Variants in CTNNA2 observed in about 807,000 individuals in gnomAD.
The protein encoded by CTNNA2 is catenin alpha-2.
In CTNNA2, 42 loss-of-function variants were observed where a neutral mutation model predicts 101.0. The ratio of observed to expected loss-of-function variants is 0.42; its 90% CI spans 0.32 to 0.54. The LOEUF is 0.54. CTNNA2 is among the 20% of genes least tolerant of loss of function. The pLI is 0.14. For missense variants in CTNNA2, 871 were observed against 1,223.1 expected, an observed-to-expected ratio of 0.71 and a Z score of 4.29; for synonymous variants, 450 against 456.4, an observed-to-expected ratio of 0.99 and a Z score of 0.18.
intron 4 of CTNNA2, among the ~76,000 whole-genome samples, chr2:79,434,138 C>CA (rs375153965): frequency 0.019 from 2,875 of 148,066 alleles, 74 homozygotes; most frequent in African/African-American, 0.06. Context: ...ACTAAAAATA[C>CA]AAAAAAAAAA....
At chr2:80,407,661 C>T (rs1037020915) in intron 8 of CTNNA2, among the ~76,000 whole-genome samples, 1 of 152,166 alleles carries the variant, frequency 6.6e-6, no homozygotes, top group African/African-American at 2.4e-5. Flanking sequence ...CACCTGAATT[C>T]CCTGAAAAGC....
intron 7 of CTNNA2, among the ~76,000 whole-genome samples, chr2:80,295,555 C>T (rs750424721): frequency 7.2e-5 from 11 of 152,196 alleles, no homozygotes; most frequent in Non-Finnish European, 1.3e-4. Flanking sequence ...GGTTAAGTGA[C>T]ACTCTCTTGA....
chr2:80,553,397 G>GTAT, intron 11 of CTNNA2, among the ~76,000 whole-genome samples: 1 of 152,030 alleles, frequency 6.6e-6, no homozygotes, highest in Non-Finnish European at 1.5e-5. Flanking sequence ...TTTTAAATAG[G>GTAT]TATAATAATA....
At chr2:79,402,719 T>C (rs1010836952) in intron 4 of CTNNA2, among the ~76,000 whole-genome samples, 19 of 151,960 alleles carry the variant, frequency 1.3e-4, no homozygotes, top group South Asian at 2.1e-4. Flanking sequence ...ATTATTCAAC[T>C]TAAACCATAT....
chr2:80,018,231 C>T (rs1237889762), intron 7 of CTNNA2, among the ~76,000 whole-genome samples: 1 of 152,166 alleles, frequency 6.6e-6, no homozygotes, highest in Non-Finnish European at 1.5e-5. Context: ...AAGATACCTC[C>T]TGTCTCAAAA....
At chr2:80,430,115 A>G (rs902502669) in intron 9 of CTNNA2, among the ~76,000 whole-genome samples, 5 of 152,144 alleles carry the variant, frequency 3.3e-5, no homozygotes, top group African/African-American at 1.2e-4. Context: ...CCAGCCCTCA[A>G]TTTTGTCTCT....
At chr2:79,577,621 T>C (rs911540032) in intron 1 of CTNNA2, among the ~76,000 whole-genome samples, 2 of 152,094 alleles carry the variant, frequency 1.3e-5, no homozygotes, top group African/African-American at 4.8e-5. Context: ...ATAGTCTAAG[T>C]ATTATCTTAA....
At chr2:80,557,034 T>G (rs747308655) in intron 12 of CTNNA2, among the ~76,000 whole-genome samples, 2 of 152,216 alleles carry the variant, frequency 1.3e-5, no homozygotes, top group Non-Finnish European at 2.9e-5. Flanking sequence ...TGTAGGTATT[T>G]GTTAGCCTGG....
chr2:79,340,015 C>A (rs183750454), intron 3 of CTNNA2: 4 of 152,240 alleles, frequency 2.6e-5, no homozygotes, highest in African/African-American at 4.8e-5. Context: ...AAGATTAGTG[C>A]GCAATTCTGG....
intron 9 of CTNNA2, among the ~76,000 whole-genome samples, chr2:80,442,768 C>G (rs2149444202): frequency 6.6e-6 from 1 of 152,292 alleles, no homozygotes; most frequent in East Asian, 1.9e-4. Context: ...CCAAACAAAA[C>G]ACCAGAATGA....
intron 7 of CTNNA2, among the ~76,000 whole-genome samples, chr2:80,276,648 GAGGAGA>G (rs1673927939): frequency 6.6e-6 from 1 of 151,848 alleles, no homozygotes; most frequent in Non-Finnish European, 1.5e-5. Flanking sequence ...AGAAAGAGAG[GAGGAGA>G]AGGAGGAGGA....
chr2:80,554,745 G>C (rs1692876502), intron 11 of CTNNA2, among the ~76,000 whole-genome samples: 1 of 152,170 alleles, frequency 6.6e-6, no homozygotes, highest in Non-Finnish European at 1.5e-5. Context: ...AAAACATGCA[G>C]TTTATTAGTT....
intron 7 of CTNNA2, among the ~76,000 whole-genome samples, chr2:80,383,245 A>T (rs924204029): frequency 6.6e-6 from 1 of 152,188 alleles, no homozygotes; most frequent in Non-Finnish European, 1.5e-5. Flanking sequence ...TATGGCTTTG[A>T]TCAGCAAATT....
chr2:80,016,517 A>G (rs1694160713), intron 7 of CTNNA2, among the ~76,000 whole-genome samples: 2 of 152,196 alleles, frequency 1.3e-5, no homozygotes, highest in Non-Finnish European at 2.9e-5. Flanking sequence ...TTTAAGAAAT[A>G]TTAACTATTT....
intron 3 of CTNNA2, among the ~76,000 whole-genome samples, chr2:79,354,544 C>T (rs577778946): frequency 6.6e-6 from 1 of 152,120 alleles, no homozygotes; most frequent in East Asian, 1.9e-4. Flanking sequence ...TTTGTTCTCT[C>T]TTAAAATAGC....
chr2:80,063,567 G>A (rs1162201523), intron 7 of CTNNA2, among the ~76,000 whole-genome samples: 2 of 152,228 alleles, frequency 1.3e-5, no homozygotes, highest in Non-Finnish European at 2.9e-5. Context: ...CTACAGTTAG[G>A]ACTATACCTG....
chr2:80,034,695 A>G (rs571393813), intron 7 of CTNNA2, among the ~76,000 whole-genome samples: 1 of 152,274 alleles, frequency 6.6e-6, no homozygotes, highest in South Asian at 2.1e-4. Context: ...TTTAAAATAC[A>G]TTGAGATACT....
intron 3 of CTNNA2, among the ~76,000 whole-genome samples, chr2:79,354,369 A>G (rs1186063652): frequency 1.3e-5 from 2 of 152,194 alleles, no homozygotes; most frequent in East Asian, 3.9e-4. Flanking sequence ...GGTTTTGTTC[A>G]TTTTTTAAAA....
At chr2:80,234,525 A>T (rs1709439953) in intron 7 of CTNNA2, among the ~76,000 whole-genome samples, 1 of 152,128 alleles carries the variant, frequency 6.6e-6, no homozygotes, top group African/African-American at 2.4e-5. Context: ...CTCAAAGGTA[A>T]AGCAGGGATC....
Sources: gnomAD v4.1 joint callset for allele counts (sites outside exome capture counted in the v4.1 genomes callset) on GRCh38, gnomAD v4.1.1 for gene constraint, MANE v1.5 for transcripts, NCBI Gene and HGNC (gene_info 2026-07-23, HGNC 2026-07-21) for gene names.